The following SLC43A1 variants were observed in gnomAD, a reference collection of about 807,000 sequenced individuals.
SLC43A1 encodes solute carrier family 43 member 1.
SLC43A1 carries 31 observed loss-of-function variants against 59.5 expected under a neutral mutation model. The ratio of observed to expected loss-of-function variants is 0.52; its 90% CI spans 0.39 to 0.70. SLC43A1 has a LOEUF of 0.70. Ranked by LOEUF, SLC43A1 falls within the 30% of genes least tolerant of loss-of-function variation. SLC43A1 has a pLI of 0.00. For missense variants in SLC43A1, 598 were observed against 717.8 expected (o/e 0.83, Z 1.91); for synonymous variants, 259 against 290.9 (o/e 0.89, Z 1.12).
intron 2 of SLC43A1, 67 bp from the exon 3 acceptor site, chr11:57,501,396 CCA>C: frequency 6.4e-7 from 1 of 1,552,672 alleles, no homozygotes; most frequent in South Asian, 1.1e-5. Flanking sequence ...AGACAGCAGC[CCA>C]CAGTCAGGCG....
At chr11:57,488,781 A>C in intron 13 of SLC43A1, 135 bp downstream of exon 13, 1 of 758,618 alleles carries the variant, frequency 1.3e-6, no homozygotes, top group Non-Finnish European at 2.3e-6. Context: ...GCCTTTAAGG[A>C]AGTGAGCTCC....
At position 57,488,286 on chromosome 11, in the gene SLC43A1, C is replaced by T. The variant is rs2729383; in HGVS notation, c.1409+630G>A. Among the ~76,000 whole-genome samples the T allele has an allele frequency of 3.4e-3, 514 of 152,146 alleles. 5 individuals carry two copies. Among genetic ancestry groups the T allele is most frequent in the African/African-American group, 0.011 (477 of 41,494 alleles). ...AAGCTGCTGCTGGCTGTACTGAGGA[C>T]GGAGTGAACATGGAGTGTGAGGGAG... On this transcript the variant is annotated intron_variant, in intron 13 of 14. Coordinates refer to ENST00000278426, the MANE Select transcript of SLC43A1 (RefSeq NM_003627.6).
intron 6 of SLC43A1, 61 bp from the exon 7 acceptor site, chr11:57,496,225 A>C: frequency 6.3e-7 from 1 of 1,592,242 alleles, no homozygotes; most frequent in Admixed American, 1.8e-5. Flanking sequence ...CCACCAAGGT[A>C]GATCCCAGGC....
intron 8 of SLC43A1, among the ~76,000 whole-genome samples, chr11:57,492,729 A>C (rs1375151575): frequency 5.5e-5 from 2 of 36,318 alleles, no homozygotes; most frequent in Non-Finnish European, 1.0e-4. Context: ...CCCTGTCTCT[A>C]TTTTACAAAA....
intron 2 of SLC43A1, 93 bp from the exon 3 acceptor site, chr11:57,501,422 TC>T: frequency 7.3e-7 from 1 of 1,369,856 alleles, no homozygotes; most frequent in Non-Finnish European, 1.0e-6. Context: ...TGCTTTCAAA[TC>T]CCATGCCAAG....
At chr11:57,507,712 T>C (rs763272673) in intron 2 of SLC43A1, among the ~76,000 whole-genome samples, 2 of 152,212 alleles carry the variant, frequency 1.3e-5, no homozygotes, top group Admixed American at 6.5e-5. Flanking sequence ...TTTTGTTAAA[T>C]GACATCATTT....
rs1943688900 is a variant in SLC43A1, at chr11:57,484,983, AT to A, written c.*112del. 1.6e-6 allele frequency: 2 copies of A among 1,238,454 alleles called. No individual in the cohort carries two copies. Among genetic ancestry groups the A allele is most frequent in the South Asian group, 3.4e-5 (2 of 58,230 alleles). 76.7% of individuals were successfully genotyped at this position (1,238,454 alleles called of 1,614,324 possible). On this transcript the variant is annotated 3_prime_UTR_variant, in exon 15 of 15. Coordinates refer to ENST00000278426, the MANE Select transcript of SLC43A1 (RefSeq NM_003627.6). ...ATAGAACTTCTCTTGGTATTTATAA[AT>A]CTACGGCCATGGCTCTATGTGCATG... is the stretch of plus-strand genomic sequence containing the variant.
intron 2 of SLC43A1, among the ~76,000 whole-genome samples, chr11:57,512,002 G>C (rs1007765683): frequency 2.6e-5 from 4 of 152,120 alleles, no homozygotes; most frequent in African/African-American, 9.7e-5. Context: ...GGTGATGGTT[G>C]CACTACTCTG....
intron 6 of SLC43A1, 105 bp downstream of exon 6, chr11:57,497,648 A>C: frequency 1.4e-6 from 1 of 738,688 alleles, no homozygotes; most frequent in African/African-American, 1.8e-5. Context: ...TGACAGAGAA[A>C]GGAGAGCGGA....
In SLC43A1 at chr11:57,504,252, T is replaced by G. The variant is rs139082104; in HGVS notation, c.155-2923A>C. Among the ~76,000 whole-genome samples, 849 of 152,258 alleles carry G rather than the reference T, an allele frequency of 5.6e-3. 10 individuals are homozygous for G. Among genetic ancestry groups the G allele is most frequent in the Middle Eastern group, 0.01 (3 of 294 alleles). Reference sequence around the variant, plus strand: ...AGATCTAGGCATGACTGTAGCTGAGTGGAGGCCATCCCCTTTTGCCAGGGC... The same window carrying G: ...AGATCTAGGCATGACTGTAGCTGAGGGGAGGCCATCCCCTTTTGCCAGGGC... On this transcript the variant is annotated intron_variant, in intron 2 of 14. Coordinates refer to ENST00000278426, the MANE Select transcript of SLC43A1 (RefSeq NM_003627.6).
At chr11:57,489,187 G>A in intron 12 of SLC43A1, 64 bp downstream of exon 12, 3 of 1,591,804 alleles carry the variant, frequency 1.9e-6, no homozygotes, top group Non-Finnish European at 2.6e-6. Flanking sequence ...GGCAGGTGCT[G>A]GATGGACCAT....
At chr11:57,492,339 G>T (rs1196266596) in intron 8 of SLC43A1, among the ~76,000 whole-genome samples, 1 of 134,776 alleles carries the variant, frequency 7.4e-6, no homozygotes. Context: ...TGTATTCCCA[G>T]CTACTCAGGA....
chr11:57,504,726 A>G (rs1188960293), intron 2 of SLC43A1, among the ~76,000 whole-genome samples: 1 of 152,216 alleles, frequency 6.6e-6, no homozygotes, highest in Non-Finnish European at 1.5e-5. Context: ...CAGTTAGCTC[A>G]GTAAGTTTCC....
rs573386965 is a variant in SLC43A1 at position 57,497,698 on chromosome 11, C to T, written c.558+55G>A. The T allele has an allele frequency of 3.9e-5, 54 of 1,397,820 alleles. No homozygotes were observed. In the East Asian group the frequency reaches 1.0e-3, roughly 27 times the overall value. 86.6% of individuals were successfully genotyped at this position (1,397,820 alleles called of 1,614,324 possible). On this transcript the variant is annotated intron_variant, in intron 6 of 14. Coordinates refer to ENST00000278426, the MANE Select transcript of SLC43A1 (RefSeq NM_003627.6). ...GGGTCAGCACTAGCTGCTGCTCACTCGGCCCCACCCGGTTCTTGTGTCAAG... is the reference window on the plus strand; with the variant it reads ...GGGTCAGCACTAGCTGCTGCTCACTTGGCCCCACCCGGTTCTTGTGTCAAG...
chr11:57,496,154 TC>T lies in SLC43A1; in HGVS notation c.568del (p.Asp190MetfsTer22), dbSNP rs1565131268. 1 of 1,613,974 alleles carries T rather than the reference TC, an allele frequency of 6.2e-7. No homozygotes were observed. The highest frequency in any genetic ancestry group is 2.2e-5 in the East Asian group (1 of 44,866). On this transcript the variant is annotated frameshift_variant, in exon 7 of 15. Coordinates refer to ENST00000278426, the MANE Select transcript of SLC43A1 (RefSeq NM_003627.6). LOFTEE classifies it high-confidence loss of function. ...ITFPGIKLIYDAGVAFVVIMF... is the reference protein window; with the variant it reads ...ITFPGIKLIYXAGVAFVVIMF... ...GATGACCACGAAGGCCACACCGGCATCGTAGATCAGCTGTGAGAGGAGGGGG... is the reference window on the plus strand; with the variant it reads ...GATGACCACGAAGGCCACACCGGCATGTAGATCAGCTGTGAGAGGAGGGGG...
intron 6 of SLC43A1, among the ~76,000 whole-genome samples, chr11:57,497,539 G>A (rs763241026): frequency 6.6e-6 from 1 of 152,240 alleles, no homozygotes; most frequent in Non-Finnish European, 1.5e-5. Context: ...GAAGTCACGT[G>A]AGTGACAGAG....
At chr11:57,506,937 T>G (rs1211217350) in intron 2 of SLC43A1, among the ~76,000 whole-genome samples, 3 of 152,224 alleles carry the variant, frequency 2.0e-5, no homozygotes, top group African/African-American at 7.2e-5. Context: ...CTGCCTAAAT[T>G]CTGAGAAACA....
chr11:57,514,770 C>T lies in SLC43A1; in HGVS notation c.-13-646G>A. 1.0e-6 allele frequency: 1 copy of T among 975,450 alleles called. No individual in the cohort carries two copies. The highest frequency in any genetic ancestry group is 1.2e-6 in the Non-Finnish European group (1 of 820,794). The allele number at this position is 975,450 out of a possible 1,614,324, so 60.4% of individuals were successfully genotyped here. The stretch of plus-strand genomic sequence containing the variant: ...CTCGGTTCCCTCCTCCCCCGCGCGC[C>T]CCTCACTCACTCCGCAGGGCTCGGG... On this transcript the variant is annotated intron_variant, in intron 1 of 14. Coordinates refer to ENST00000278426, the MANE Select transcript of SLC43A1 (RefSeq NM_003627.6). This position sits in a 1 kb window ranked among gnomAD's most constrained non-coding sequence, Gnocchi z 5.5.
At chr11:57,488,828 G>T in intron 13 of SLC43A1, 88 bp downstream of exon 13, 1 of 1,097,104 alleles carries the variant, frequency 9.1e-7, no homozygotes, top group Non-Finnish European at 1.4e-6. Flanking sequence ...GTGCATTAGG[G>T]GATGCCTGGG....
Sources: allele counts gnomAD v4.1 joint callset (sites outside exome capture counted in the v4.1 genomes callset), GRCh38; gene constraint gnomAD v4.1.1; non-coding constraint Gnocchi (gnomAD v3.1); transcripts MANE v1.5; gene names NCBI Gene and HGNC (gene_info 2026-07-23, HGNC 2026-07-21).